The following CCDC171 variants were observed in gnomAD, a reference collection of about 807,000 sequenced individuals.
CCDC171 encodes the protein coiled-coil domain-containing protein 171.
A neutral mutation model predicts 168.2 loss-of-function variants in CCDC171; 177 were observed. That is an observed-to-expected ratio of 1.05 (90% CI 0.93 to 1.19). The LOEUF (loss-of-function observed/expected upper bound fraction) is 1.19. Among genes scored for constraint, CCDC171 ranks in the 50% most tolerant of loss-of-function variants. CCDC171 has a pLI of 0.00. For missense variants in CCDC171, 1,991 were observed against 1,539.0 expected (o/e 1.29, Z -4.91); for synonymous variants, 687 against 540.8 (o/e 1.27, Z -3.75).
At chr9:16,044,936 T>A (rs1334088923) in intron 1 of CCDC171, among the ~76,000 whole-genome samples, 2 of 152,236 alleles carry the variant, frequency 1.3e-5, no homozygotes, top group East Asian at 1.9e-4. Flanking sequence ...CAAGGACACA[T>A]GCTGAGATTG....
chr9:15,738,586 C>T (rs1002613069), intron 16 of CCDC171, among the ~76,000 whole-genome samples: 1 of 152,014 alleles, frequency 6.6e-6, no homozygotes, highest in Non-Finnish European at 1.5e-5. Context: ...TTTAAAAATA[C>T]TGGCCTTTAA....
chr9:15,754,306 G>T (rs2055953494), intron 18 of CCDC171, among the ~76,000 whole-genome samples: 1 of 152,094 alleles, frequency 6.6e-6, no homozygotes, highest in South Asian at 2.1e-4. Context: ...TATCAGTTGT[G>T]TGAAACTGGG....
chr9:15,755,111 A>G (rs2056017101), intron 18 of CCDC171, among the ~76,000 whole-genome samples: 1 of 152,168 alleles, frequency 6.6e-6, no homozygotes, highest in African/African-American at 2.4e-5. Flanking sequence ...TACTTAAAAT[A>G]CCTTAATCAA....
the CCDC171 span, among the ~76,000 whole-genome samples, chr9:16,079,746 C>T: frequency 9.9e-5 from 15 of 152,180 alleles, no homozygotes; most frequent in East Asian, 1.9e-3. Context: ...GATTTAGCAA[C>T]CTGATACGCA....
At chr9:16,079,311 G>A in the CCDC171 span, among the ~76,000 whole-genome samples, 1 of 152,182 alleles carries the variant, frequency 6.6e-6, no homozygotes, top group East Asian at 1.9e-4. Flanking sequence ...CTAACTACCA[G>A]TACATAGAAT....
the CCDC171 span, among the ~76,000 whole-genome samples, chr9:16,081,994 C>G: frequency 6.6e-6 from 1 of 152,112 alleles, no homozygotes; most frequent in African/African-American, 2.4e-5. Context: ...ACTTTACAAA[C>G]TGAACATGTC....
chr9:15,938,820 G>A (rs1223328555), intron 25 of CCDC171, among the ~76,000 whole-genome samples: 1 of 151,686 alleles, frequency 6.6e-6, no homozygotes, highest in Non-Finnish European at 1.5e-5. Context: ...AAGGTTACAG[G>A]ACTTTATTTT....
chr9:16,043,665 C>T (rs1462334990), intron 1 of CCDC171, among the ~76,000 whole-genome samples: 1 of 152,204 alleles, frequency 6.6e-6, no homozygotes, highest in East Asian at 1.9e-4. Flanking sequence ...AGTCCCAGTG[C>T]TGGAGGAGAT....
In CCDC171 at chr9:15,810,733, C is replaced by T. The variant is rs1160275039; in HGVS notation, c.3267+26039C>T. 2.6e-5 allele frequency among the ~76,000 whole-genome samples: 4 copies of T among 152,188 alleles called. No individual in the cohort carries two copies. The South Asian group carries it at 6.2e-4, about 24-fold the overall frequency. On this transcript the variant is annotated intron_variant, in intron 21 of 25. Coordinates refer to ENST00000380701, the MANE Select transcript of CCDC171 (RefSeq NM_173550.4). ...GCCGAGCCCACGCCCACCCGGAACT[C>T]GCGCTGCCCTGTGAGTGCTGCGCGC...
chr9:15,745,620 T>C lies in CCDC171; in HGVS notation c.2660T>C (p.Ile887Thr), dbSNP rs771769593. 2 of 1,568,614 alleles carry C rather than the reference T, an allele frequency of 1.3e-6. No individual in the cohort carries two copies. Among genetic ancestry groups the C allele is most frequent in the African/African-American group, 1.4e-5 (1 of 72,032 alleles). Residue 887 changes from isoleucine (I) to threonine (T), a missense_variant, in exon 18 of 26, where the codon ATT becomes ACT. Transcript: ENST00000380701. ...ISSMAELQDVIGKADPNSRIC... is the reference protein window; with the variant it reads ...ISSMAELQDVTGKADPNSRIC... The stretch of plus-strand genomic sequence containing the variant: ...TCTATGGCTGAATTACAAGACGTCA[T>C]TGGTAAAGCAGGTATGGTTCCTTCT...
At chr9:15,674,289 T>C (rs1260035445) in intron 9 of CCDC171, among the ~76,000 whole-genome samples, 2 of 152,192 alleles carry the variant, frequency 1.3e-5, no homozygotes, top group African/African-American at 4.8e-5. Flanking sequence ...TTATCTATTT[T>C]GTTGATCTTT....
chr9:16,105,759 G>A, the CCDC171 span, among the ~76,000 whole-genome samples: 1 of 152,234 alleles, frequency 6.6e-6, no homozygotes, highest in Non-Finnish European at 1.5e-5. Flanking sequence ...ACATTGGCCA[G>A]TTGCTAACCA....
At chr9:15,693,856 A>G (rs1005309016) in intron 10 of CCDC171, among the ~76,000 whole-genome samples, 5 of 152,002 alleles carry the variant, frequency 3.3e-5, no homozygotes, top group Admixed American at 2.0e-4. Context: ...ACTGCCCTTT[A>G]TCTCACCTTC....
intron 13 of CCDC171, among the ~76,000 whole-genome samples, chr9:15,724,209 A>G (rs1233843504): frequency 6.6e-6 from 1 of 152,168 alleles, no homozygotes; most frequent in Non-Finnish European, 1.5e-5. Context: ...TGCTGGTTTT[A>G]TGTACTACAT....
chr9:15,847,713 CA>C (rs1231536693), intron 22 of CCDC171, among the ~76,000 whole-genome samples: 15 of 152,134 alleles, frequency 9.9e-5, no homozygotes, highest in Admixed American at 9.8e-4. Flanking sequence ...AACTCTTAAA[CA>C]TAAAATATCG....
At chr9:15,729,847 C>A in intron 16 of CCDC171, 49 bp downstream of exon 16, 1 of 1,495,466 alleles carries the variant, frequency 6.7e-7, no homozygotes. Flanking sequence ...CTCAGTGTAA[C>A]CATTAGAAAC....
intron 6 of CCDC171, among the ~76,000 whole-genome samples, chr9:16,032,514 T>A (rs1833380695): frequency 6.6e-6 from 1 of 152,126 alleles, no homozygotes; most frequent in Non-Finnish European, 1.5e-5. Context: ...CTCTCCTACT[T>A]CCACATTAGT....
At chr9:16,103,869 C>T in the CCDC171 span, among the ~76,000 whole-genome samples, 2 of 152,124 alleles carry the variant, frequency 1.3e-5, no homozygotes, top group Admixed American at 6.5e-5. Context: ...AATTTGGGGA[C>T]GTGTTCAAAA....
chr9:15,601,027 A>G (rs1322425356), intron 6 of CCDC171, among the ~76,000 whole-genome samples: 1 of 152,148 alleles, frequency 6.6e-6, no homozygotes. Flanking sequence ...TACAGGTGCC[A>G]TCTGTCACCC....
Sources: gnomAD v4.1 joint callset for allele counts (sites outside exome capture counted in the v4.1 genomes callset) on GRCh38, gnomAD v4.1.1 for gene constraint, MANE v1.5 for transcripts, NCBI Gene and HGNC (gene_info 2026-07-23, HGNC 2026-07-21) for gene names.